Variants in NT5E observed in about 807,000 individuals in gnomAD.
NT5E encodes the protein 5'-nucleotidase ecto, also known as 5'-nucleotidase.
A neutral mutation model predicts 55.1 loss-of-function variants in NT5E; 53 were observed. The ratio of observed to expected loss-of-function variants is 0.96; its 90% CI spans 0.77 to 1.21. The LOEUF (loss-of-function observed/expected upper bound fraction) is 1.21, where lower values mean the gene tolerates loss of function less well. NT5E is among the 50% of genes most tolerant of loss of function. The pLI, the probability that NT5E is intolerant of heterozygous loss-of-function variation, is 0.00. For synonymous variants in NT5E, 270 were observed against 278.4 expected, an observed-to-expected ratio of 0.97 and a Z score of 0.30; for missense variants, 683 against 724.3, an observed-to-expected ratio of 0.94 and a Z score of 0.65.
chr6:85,462,956 C>T (rs1203005993), intron 1 of NT5E, among the ~76,000 whole-genome samples: 1 of 152,124 alleles, frequency 6.6e-6, no homozygotes, highest in Non-Finnish European at 1.5e-5. Context: ...TACAAGTTAC[C>T]TTTATATTTC....
At chr6:85,483,849 C>T (rs1769595335) in intron 3 of NT5E, among the ~76,000 whole-genome samples, 2 of 152,122 alleles carry the variant, frequency 1.3e-5, no homozygotes, top group African/African-American at 2.4e-5. Flanking sequence ...CTTTCACAAC[C>T]AGCTTGCAGA....
intron 3 of NT5E, among the ~76,000 whole-genome samples, chr6:85,478,760 G>C (rs1769485669): frequency 1.3e-5 from 2 of 151,032 alleles, no homozygotes; most frequent in African/African-American, 4.9e-5. Flanking sequence ...AAGAATATTA[G>C]AGAACTGACA....
rs1309144345 is a variant in NT5E, at chr6:85,494,560, T to G, written c.*556T>G. On this transcript the variant is annotated 3_prime_UTR_variant, in exon 9 of 9. Transcript: ENST00000257770. Reference sequence around the variant, plus strand: ...AGCATTCTCAACTATATCAAGTTACTGTTCAGAATACTTAATATCTCCTCT... The same window carrying G: ...AGCATTCTCAACTATATCAAGTTACGGTTCAGAATACTTAATATCTCCTCT... 6.4e-6 allele frequency: 1 copy of G among 156,550 alleles called. No individual in the cohort carries two copies. Among genetic ancestry groups the G allele is most frequent in the African/African-American group, 2.4e-5 (1 of 41,482 alleles). The allele number at this position is 156,550 out of a possible 1,614,324, so 9.7% of individuals were successfully genotyped here. A position where few individuals can be genotyped will look rare whatever the true frequency, so the allele number is the denominator to read the frequency against.
chr6:85,466,085 T>C (rs566759188), intron 1 of NT5E, among the ~76,000 whole-genome samples: 4 of 152,184 alleles, frequency 2.6e-5, no homozygotes, highest in Admixed American at 2.0e-4. Context: ...AGGAGGCCAA[T>C]GGAGGAAGGA....
chr6:85,451,574 A>G (rs932651706), intron 1 of NT5E, among the ~76,000 whole-genome samples: 1 of 152,190 alleles, frequency 6.6e-6, no homozygotes, highest in African/African-American at 2.4e-5. Flanking sequence ...GGGATTCAGC[A>G]AGACTGTGGA....
intron 3 of NT5E, among the ~76,000 whole-genome samples, chr6:85,480,592 G>A (rs868572941): frequency 2.6e-5 from 4 of 152,154 alleles, no homozygotes; most frequent in Admixed American, 6.5e-5. Flanking sequence ...TGGAGGGACT[G>A]GGTGCAGGGG....
chr6:85,476,511 T>C (rs1024729106), intron 3 of NT5E, among the ~76,000 whole-genome samples: 4 of 152,174 alleles, frequency 2.6e-5, no homozygotes, highest in African/African-American at 9.7e-5. Context: ...GCAGAGGGCA[T>C]GTGTTACAGT....
chr6:85,450,166 C>A lies in NT5E; in HGVS notation c.27C>A (p.Pro9=). 6.3e-7 allele frequency: 1 copy of A among 1,596,296 alleles called. No homozygotes were observed. Among genetic ancestry groups the A allele is most frequent in the South Asian group, 1.1e-5 (1 of 88,712 alleles). The change falls in exon 1 of 9, where the codon CCC becomes CCA. Residue 9 remains proline (P), a synonymous_variant. Transcript: ENST00000257770. This position sits in a 1 kb window ranked among gnomAD's most constrained non-coding sequence, Gnocchi z 4.0. MCPRAARA[P]ATLLLALGAV... is the part of the protein sequence containing the mutation. ...TGTGTCCCCGAGCCGCGCGGGCGCC[C>A]GCGACGCTACTCCTCGCCCTGGGCG...
At chr6:85,472,990 A>G (rs1411307832) in intron 3 of NT5E, among the ~76,000 whole-genome samples, 1 of 152,196 alleles carries the variant, frequency 6.6e-6, no homozygotes, top group Non-Finnish European at 1.5e-5. Flanking sequence ...CCATGGGAAA[A>G]GATGTATATA....
intron 1 of NT5E, among the ~76,000 whole-genome samples, chr6:85,458,515 G>T (rs1769031406): frequency 6.6e-6 from 1 of 152,194 alleles, no homozygotes; most frequent in Admixed American, 6.5e-5. Flanking sequence ...CTGAAAATTG[G>T]AGAGAACCAA....
intron 3 of NT5E, among the ~76,000 whole-genome samples, chr6:85,482,022 T>G (rs904104421): frequency 1.3e-4 from 20 of 152,186 alleles, no homozygotes; most frequent in African/African-American, 4.8e-4. Flanking sequence ...GAGTGTACAC[T>G]TCTAAGTAAT....
intron 1 of NT5E, among the ~76,000 whole-genome samples, chr6:85,458,014 G>C (rs1255383587): frequency 6.6e-6 from 1 of 152,166 alleles, no homozygotes; most frequent in African/African-American, 2.4e-5. Flanking sequence ...CTCATATTTA[G>C]CATCTAAGCC....
intron 1 of NT5E, among the ~76,000 whole-genome samples, chr6:85,453,420 A>T (rs944901303): frequency 7.2e-5 from 11 of 152,172 alleles, no homozygotes; most frequent in Non-Finnish European, 1.2e-4. Context: ...GTTGTGCATC[A>T]GATTATCTGA....
chr6:85,477,591 T>C (rs1408932224), intron 3 of NT5E, among the ~76,000 whole-genome samples: 1 of 152,226 alleles, frequency 6.6e-6, no homozygotes, highest in Admixed American at 6.5e-5. Context: ...GTAATAGGAA[T>C]AAGTAAAGAG....
intron 1 of NT5E, among the ~76,000 whole-genome samples, chr6:85,454,537 A>G (rs1472492293): frequency 6.6e-6 from 1 of 151,908 alleles, no homozygotes; most frequent in African/African-American, 2.4e-5. Context: ...ATATTTTTTG[A>G]CTTTCAGGAG....
intron 1 of NT5E, among the ~76,000 whole-genome samples, chr6:85,458,747 A>C (rs1769036726): frequency 2.0e-5 from 3 of 152,162 alleles, no homozygotes; most frequent in Non-Finnish European, 4.4e-5. Context: ...CCTGGACCTC[A>C]ATTAGTTGGG....
At chr6:85,486,496 C>G (rs1419319507) in intron 4 of NT5E, among the ~76,000 whole-genome samples, 3 of 152,050 alleles carry the variant, frequency 2.0e-5, no homozygotes, top group East Asian at 1.9e-4. Context: ...CAGGCCCCCC[C>G]CATGCGTCCG....
At chr6:85,475,399 T>C (rs1769409654) in intron 3 of NT5E, among the ~76,000 whole-genome samples, 1 of 152,224 alleles carries the variant, frequency 6.6e-6, no homozygotes, top group Non-Finnish European at 1.5e-5. Context: ...TGAAAGTTAT[T>C]CCAGTTTCTT....
chr6:85,484,137 C>A (rs560732191), intron 3 of NT5E, among the ~76,000 whole-genome samples: 1 of 152,198 alleles, frequency 6.6e-6, no homozygotes, highest in South Asian at 2.1e-4. Context: ...GTGTAATCAA[C>A]ATGTGCTGAA....
Sources: allele counts gnomAD v4.1 joint callset (sites outside exome capture counted in the v4.1 genomes callset), GRCh38; gene constraint gnomAD v4.1.1; non-coding constraint Gnocchi (gnomAD v3.1); transcripts MANE v1.5; gene names NCBI Gene and HGNC (gene_info 2026-07-23, HGNC 2026-07-21).